Variants in NRXN1 observed in about 807,000 individuals in gnomAD.
NRXN1 encodes the protein neurexin 1, also known as neurexin-1.
Under a neutral mutation model 150.9 loss-of-function variants are expected in NRXN1, and 39 were observed. The observed-to-expected ratio is 0.26, with a 90% CI of 0.20 to 0.34. The LOEUF is 0.34. Ranked by LOEUF, NRXN1 falls within the 10% of genes least tolerant of loss-of-function variation. The pLI is 1.00. For missense variants in NRXN1, 1,815 were observed against 1,949.9 expected (o/e 0.93, Z 1.30); for synonymous variants, 924 against 757.0 (o/e 1.22, Z -3.62).
chr2:50,611,634 C>A (rs1445415577), intron 8 of NRXN1, among the ~76,000 whole-genome samples: 1 of 152,128 alleles, frequency 6.6e-6, no homozygotes, highest in Non-Finnish European at 1.5e-5. Flanking sequence ...ATGTATAGAG[C>A]CAATACTTTA....
chr2:50,634,956 G>A (rs1683012856), intron 5 of NRXN1, among the ~76,000 whole-genome samples: 1 of 152,036 alleles, frequency 6.6e-6, no homozygotes, highest in Non-Finnish European at 1.5e-5. Context: ...AAATTCATCT[G>A]TCTCATCCCC....
intron 5 of NRXN1, among the ~76,000 whole-genome samples, chr2:50,751,801 G>A (rs1365097510): frequency 1.3e-5 from 2 of 151,918 alleles, no homozygotes; most frequent in African/African-American, 4.8e-5. Flanking sequence ...GATAAACTTG[G>A]AATATGACTC....
chr2:50,672,165 C>T (rs556176315), intron 5 of NRXN1, among the ~76,000 whole-genome samples: 3 of 151,766 alleles, frequency 2.0e-5, no homozygotes, highest in African/African-American at 7.2e-5. Context: ...TACAGCATTT[C>T]ATAGGAACTT....
chr2:50,322,206 C>A (rs2076091872), intron 17 of NRXN1, among the ~76,000 whole-genome samples: 1 of 152,138 alleles, frequency 6.6e-6, no homozygotes, highest in Admixed American at 6.6e-5. Context: ...TCCTTTTTAT[C>A]ACCTTAGCTA....
chr2:50,966,495 C>T (rs901656583), intron 2 of NRXN1, among the ~76,000 whole-genome samples: 2 of 151,720 alleles, frequency 1.3e-5, no homozygotes, highest in African/African-American at 4.8e-5. Flanking sequence ...GAAAAGGTTA[C>T]ATCTCTGGAA....
intron 8 of NRXN1, among the ~76,000 whole-genome samples, chr2:50,604,121 T>A (rs951202572): frequency 2.0e-5 from 3 of 152,222 alleles, no homozygotes; most frequent in Non-Finnish European, 2.9e-5. Context: ...TATATTTACA[T>A]GGAGGCTTAG....
intron 2 of NRXN1, among the ~76,000 whole-genome samples, chr2:50,948,788 G>C (rs1210348091): frequency 6.6e-6 from 1 of 152,120 alleles, no homozygotes; most frequent in South Asian, 2.1e-4. Flanking sequence ...ACACTGCATA[G>C]AGCTTATTTG....
chr2:50,007,245 T>C lies in NRXN1; in HGVS notation c.4128+46026A>G, dbSNP rs145423805. ...CCTGTAGTACCATCTCCTAAGGAGG[T>C]TGAGGCAGGAGGATCATTTGAGCCC... On this transcript the variant is annotated intron_variant, in intron 21 of 22. Transcript: ENST00000401669. 1.3e-3 allele frequency among the ~76,000 whole-genome samples: 194 copies of C among 152,104 alleles called. 3 individuals carry two copies. The East Asian group carries it at 0.036, about 28-fold the overall frequency.
At chr2:50,780,049 T>A (rs887182172) in intron 5 of NRXN1, among the ~76,000 whole-genome samples, 2 of 152,200 alleles carry the variant, frequency 1.3e-5, no homozygotes, top group South Asian at 4.1e-4. Flanking sequence ...GACTTTTTAA[T>A]GATCTCCATT....
chr2:50,956,216 T>G (rs951719010), intron 2 of NRXN1, among the ~76,000 whole-genome samples: 5 of 152,128 alleles, frequency 3.3e-5, no homozygotes, highest in African/African-American at 4.8e-5. Flanking sequence ...TTATAATTGG[T>G]CTGTTTTATA....
intron 21 of NRXN1, among the ~76,000 whole-genome samples, chr2:49,992,539 A>G (rs1196016439): frequency 6.6e-6 from 1 of 152,048 alleles, no homozygotes; most frequent in Non-Finnish European, 1.5e-5. Context: ...CTTCCTGCCT[A>G]GCAACAGAGT....
chr2:50,424,311 G>GGGAGGA (rs1276320514), intron 17 of NRXN1, among the ~76,000 whole-genome samples: 1 of 87,610 alleles, frequency 1.1e-5, no homozygotes, highest in African/African-American at 4.2e-5. Context: ...GAGGAGGAGG[G>GGGAGGA]GGAGGAGGAG....
At chr2:50,009,362 C>T (rs1011776633) in intron 21 of NRXN1, among the ~76,000 whole-genome samples, 15 of 152,238 alleles carry the variant, frequency 9.9e-5, no homozygotes, top group Admixed American at 2.6e-4. Context: ...TTCCTTCACT[C>T]AGTCACTTAT....
At chr2:50,888,927 T>A (rs923524368) in intron 5 of NRXN1, among the ~76,000 whole-genome samples, 23 of 151,766 alleles carry the variant, frequency 1.5e-4, no homozygotes, top group Non-Finnish European at 3.1e-4. Flanking sequence ...TATTTTCTTA[T>A]GATTGTCACA....
chr2:50,115,146 A>AT (rs537172320), intron 18 of NRXN1, among the ~76,000 whole-genome samples: 5,367 of 144,304 alleles, frequency 0.037, 318 homozygotes, highest in African/African-American at 0.13. Flanking sequence ...ATTTCGCTCA[A>AT]TTTTTTTTTT....
At chr2:50,368,378 G>A (rs1300261174) in intron 17 of NRXN1, among the ~76,000 whole-genome samples, 1 of 151,966 alleles carries the variant, frequency 6.6e-6, no homozygotes, top group Non-Finnish European at 1.5e-5. Flanking sequence ...ACAGTATGAG[G>A]AAGACCTAAT....
At chr2:50,856,992 C>A (rs1315335940) in intron 5 of NRXN1, among the ~76,000 whole-genome samples, 1 of 152,038 alleles carries the variant, frequency 6.6e-6, no homozygotes, top group South Asian at 2.1e-4. Context: ...TTTTACATTG[C>A]TATCAAGGGC....
At chr2:50,898,043 T>A (rs949508625) in intron 5 of NRXN1, among the ~76,000 whole-genome samples, 4 of 152,186 alleles carry the variant, frequency 2.6e-5, no homozygotes, top group African/African-American at 4.8e-5. Context: ...ATATGCCAGG[T>A]CACACAATAA....
chr2:50,623,733 G>C (rs1001402562), intron 5 of NRXN1, 118 bp from the exon 6 acceptor site: 3 of 697,084 alleles, frequency 4.3e-6, no homozygotes, highest in Non-Finnish European at 7.2e-6. Context: ...TAGATTTCAT[G>C]ACATGAACTC....
Sources: allele counts gnomAD v4.1 joint callset (sites outside exome capture counted in the v4.1 genomes callset), GRCh38; gene constraint gnomAD v4.1.1; transcripts MANE v1.5; gene names NCBI Gene and HGNC (gene_info 2026-07-23, HGNC 2026-07-21).